MYO1D: variants seen among roughly 807,000 people sequenced by gnomAD.
MYO1D encodes the protein unconventional myosin-Id.
Under a neutral mutation model 122.0 loss-of-function variants are expected in MYO1D, and 83 were observed. That is an observed-to-expected ratio of 0.68 (90% CI 0.57 to 0.82). The LOEUF (loss-of-function observed/expected upper bound fraction) is 0.82. Ranked by LOEUF, MYO1D falls within the 40% of genes least tolerant of loss-of-function variation. The pLI, the probability that MYO1D is intolerant of heterozygous loss-of-function variation, is 0.00. For synonymous variants in MYO1D, 464 were observed against 446.9 expected (o/e 1.04, Z -0.48); for missense variants, 1,157 against 1,269.5 (o/e 0.91, Z 1.35).
chr17:32,745,426 T>A, intron 12 of MYO1D, 141 bp from the exon 13 acceptor site: 3 of 590,678 alleles, frequency 5.1e-6, no homozygotes, highest in Non-Finnish European at 9.1e-6. Context: ...TCTTGTTCTG[T>A]ATTAAAGGAT....
chr17:32,789,013 G>GTT lies in MYO1D; in HGVS notation c.96-8231_96-8230dup, dbSNP rs59502226. On this transcript the variant is annotated intron_variant, in intron 1 of 21. Transcript: ENST00000318217. Reference sequence around the variant, plus strand: ...GTTTTTTTGTTTTTTGTTTTGTTTTGTTTTTTTAGCTGTTGTGAAAGGGAC... The same window carrying GTT: ...GTTTTTTTGTTTTTTGTTTTGTTTTGTTTTTTTTTAGCTGTTGTGAAAGGGAC... 7.9e-5 allele frequency among the ~76,000 whole-genome samples: 12 copies of GTT among 151,706 alleles called. No homozygotes were observed. The East Asian group carries it at 9.7e-4, about 12-fold the overall frequency.
intron 21 of MYO1D, among the ~76,000 whole-genome samples, chr17:32,552,824 A>G (rs2087030398): frequency 1.3e-5 from 2 of 152,318 alleles, no homozygotes; most frequent in South Asian, 4.1e-4. Flanking sequence ...CTTGCTGGAG[A>G]CTAAGCTTTA....
chr17:32,726,051 A>C (rs955207927), intron 14 of MYO1D, among the ~76,000 whole-genome samples: 7 of 152,226 alleles, frequency 4.6e-5, no homozygotes, highest in African/African-American at 1.7e-4. Context: ...AACAAAAACA[A>C]CATTTGTCAC....
At chr17:32,695,477 T>C (rs1375123885) in intron 16 of MYO1D, among the ~76,000 whole-genome samples, 2 of 152,224 alleles carry the variant, frequency 1.3e-5, no homozygotes, top group African/African-American at 4.8e-5. Context: ...CCTTGTCTTA[T>C]TGACTTCTAA....
At chr17:32,603,775 T>G (rs2087592287) in intron 21 of MYO1D, among the ~76,000 whole-genome samples, 6 of 152,184 alleles carry the variant, frequency 3.9e-5, no homozygotes, top group Admixed American at 2.0e-4. Flanking sequence ...TCCGCCCGCC[T>G]CAGCCTCCCA....
At chr17:32,803,736 G>A (rs184162687) in intron 1 of MYO1D, among the ~76,000 whole-genome samples, 21 of 152,240 alleles carry the variant, frequency 1.4e-4, no homozygotes, top group African/African-American at 5.1e-4. Context: ...ATTCTCTTGC[G>A]AAGGAAGTGA....
intron 21 of MYO1D, among the ~76,000 whole-genome samples, chr17:32,533,972 T>A (rs1004409076): frequency 1.3e-5 from 2 of 152,210 alleles, no homozygotes; most frequent in African/African-American, 4.8e-5. Flanking sequence ...TTACTTGTAG[T>A]ATATTAAATG....
At chr17:32,693,575 T>C (rs1011011892) in intron 16 of MYO1D, among the ~76,000 whole-genome samples, 3 of 152,206 alleles carry the variant, frequency 2.0e-5, no homozygotes, top group Admixed American at 1.3e-4. Context: ...ACCTCAAGCA[T>C]ATGTACATCT....
At chr17:32,795,742 G>A (rs1294814740) in intron 1 of MYO1D, among the ~76,000 whole-genome samples, 1 of 152,144 alleles carries the variant, frequency 6.6e-6, no homozygotes, top group Non-Finnish European at 1.5e-5. Flanking sequence ...GACAGCAGAA[G>A]GAGGAAGAGA....
intron 21 of MYO1D, chr17:32,519,219 T>A (rs1910011757): frequency 6.6e-6 from 1 of 152,442 alleles, no homozygotes; most frequent in African/African-American, 2.4e-5. Context: ...CAAGTTCCTG[T>A]GCGGCGCTTC....
At chr17:32,857,584 CAA>C (rs563112277) in intron 1 of MYO1D, among the ~76,000 whole-genome samples, 19 of 107,778 alleles carry the variant, frequency 1.8e-4, no homozygotes, top group Admixed American at 2.0e-4. Flanking sequence ...GACTCCACCT[CAA>C]AAAAAAAAAA....
intron 1 of MYO1D, among the ~76,000 whole-genome samples, chr17:32,807,437 G>A (rs1018278270): frequency 6.6e-6 from 1 of 151,926 alleles, no homozygotes; most frequent in Non-Finnish European, 1.5e-5. Flanking sequence ...AATATATCTT[G>A]TCTGTATGTG....
At chr17:32,822,733 G>A (rs929191361) in intron 1 of MYO1D, among the ~76,000 whole-genome samples, 4 of 151,310 alleles carry the variant, frequency 2.6e-5, no homozygotes, top group South Asian at 2.1e-4. Flanking sequence ...CCAGCAGACC[G>A]CGGGTGGCGG....
At position 32,876,893 on chromosome 17, in the gene MYO1D, G is replaced by A. The variant is rs745348280; in HGVS notation, c.-21C>T. 3.5e-6 allele frequency: 5 copies of A among 1,448,278 alleles called. No individual in the cohort carries two copies. In the African/African-American group the frequency reaches 4.4e-5, roughly 13 times the overall value. 89.7% of individuals were successfully genotyped at this position (1,448,278 alleles called of 1,614,324 possible). A position where few individuals can be genotyped will look rare whatever the true frequency, so the allele number is the denominator to read the frequency against. ...GCCATGGCGCCAGCGCGGGGGCTCA[G>A]GTGGGCGCGCTCGGGCCTCCGGGGC... On this transcript the variant is annotated 5_prime_UTR_variant, in exon 1 of 22. Coordinates refer to ENST00000318217, the MANE Select transcript of MYO1D (RefSeq NM_015194.3).
intron 21 of MYO1D, among the ~76,000 whole-genome samples, chr17:32,596,154 G>T (rs1334591368): frequency 3.3e-5 from 5 of 152,136 alleles, no homozygotes; most frequent in Admixed American, 3.3e-4. Flanking sequence ...AAATTTGATG[G>T]ACCAAAATTT....
intron 6 of MYO1D, among the ~76,000 whole-genome samples, chr17:32,769,680 A>G (rs571440082): frequency 5.3e-5 from 8 of 152,210 alleles, no homozygotes; most frequent in Non-Finnish European, 1.0e-4. Context: ...GATGCAAACC[A>G]TTATCAATAA....
At chr17:32,614,916 G>C (rs1159486260) in intron 20 of MYO1D, among the ~76,000 whole-genome samples, 1 of 152,194 alleles carries the variant, frequency 6.6e-6, no homozygotes, top group Non-Finnish European at 1.5e-5. Flanking sequence ...AGACAAGTGA[G>C]TGTATGAGGG....
intron 16 of MYO1D, among the ~76,000 whole-genome samples, chr17:32,696,073 G>C (rs2089168181): frequency 6.6e-6 from 1 of 152,156 alleles, no homozygotes; most frequent in South Asian, 2.1e-4. Flanking sequence ...TCATCACTCT[G>C]ATAGCTAATG....
chr17:32,639,363 T>TGTG (rs1567923149), intron 19 of MYO1D, among the ~76,000 whole-genome samples: 5,260 of 128,234 alleles, frequency 0.041, 189 homozygotes, highest in Middle Eastern at 0.082. Context: ...GGGAGAAATT[T>TGTG]TGTGTGTGTG....
Sources: gnomAD v4.1 joint callset for allele counts (sites outside exome capture counted in the v4.1 genomes callset) on GRCh38, gnomAD v4.1.1 for gene constraint, MANE v1.5 for transcripts, NCBI Gene and HGNC (gene_info 2026-07-23, HGNC 2026-07-21) for gene names.